Variants in CACNB2 observed in about 807,000 individuals in gnomAD.
CACNB2 encodes voltage-dependent L-type calcium channel subunit beta-2.
A neutral mutation model predicts 73.3 loss-of-function variants in CACNB2; 42 were observed. The observed-to-expected ratio is 0.57, with a 90% CI of 0.45 to 0.74. The LOEUF is 0.74. CACNB2 is among the 30% of genes least tolerant of loss of function. The pLI, the probability that CACNB2 is intolerant of heterozygous loss-of-function variation, is 0.00. For missense variants in CACNB2, 940 were observed against 853.0 expected (o/e 1.10, Z -1.27); for synonymous variants, 348 against 310.3 (o/e 1.12, Z -1.28).
chr10:18,276,171 G>A (rs1228395656), intron 2 of CACNB2, among the ~76,000 whole-genome samples: 1 of 152,206 alleles, frequency 6.6e-6, no homozygotes, highest in Non-Finnish European at 1.5e-5. Flanking sequence ...TTGGGCAAAA[G>A]TGGTGAGCTC....
chr10:18,250,300 G>A (rs1464474080), intron 2 of CACNB2, among the ~76,000 whole-genome samples: 2 of 152,196 alleles, frequency 1.3e-5, no homozygotes, highest in African/African-American at 4.8e-5. Context: ...AGAAAATGCA[G>A]TCCTTGTTGT....
intron 2 of CACNB2, among the ~76,000 whole-genome samples, chr10:18,357,218 C>T (rs1336069867): frequency 6.6e-6 from 1 of 152,054 alleles, no homozygotes; most frequent in Non-Finnish European, 1.5e-5. Flanking sequence ...GCTGGGATTA[C>T]AGGCGTGAGC....
rs570613400 is a variant in CACNB2 at position 18,369,226 on chromosome 10, G to T, written c.214-32698G>T. On this transcript the variant is annotated intron_variant, in intron 2 of 13. Coordinates refer to ENST00000324631, the MANE Select transcript of CACNB2 (RefSeq NM_201596.3). Reference sequence around the variant, plus strand: ...GGCGTACTATTTAAATTACAATTAAGCTATCAAATTTAAAAATTACTTTTT... The same window carrying T: ...GGCGTACTATTTAAATTACAATTAATCTATCAAATTTAAAAATTACTTTTT... Among the ~76,000 whole-genome samples the T allele has an allele frequency of 7.9e-5, 12 of 152,286 alleles. No homozygotes were observed. The South Asian group carries it at 2.5e-3, about 32-fold the overall frequency.
intron 2 of CACNB2, among the ~76,000 whole-genome samples, chr10:18,319,073 T>C (rs1174085462): frequency 6.6e-6 from 1 of 152,174 alleles, no homozygotes; most frequent in Non-Finnish European, 1.5e-5. Flanking sequence ...GAAATACCAT[T>C]TGACCCAGCA....
In CACNB2 at chr10:18,429,697, A is replaced by T. The variant is rs1216395945; in HGVS notation, c.333+27654A>T. Among the ~76,000 whole-genome samples the T allele has an allele frequency of 1.4e-5, 2 of 143,734 alleles. 1 individual carries two copies. The allele number at this position is 143,734 out of a possible 152,430, so 94.3% of individuals were successfully genotyped here. ...AAAAAAAAAACCAAATTAACCAAGA[A>T]TGATGTTGTACACCTGTATCCCAGG... is the stretch of plus-strand genomic sequence containing the variant. On this transcript the variant is annotated intron_variant, in intron 3 of 13. Transcript: ENST00000324631.
At chr10:18,146,594 C>T (rs968104462) in intron 1 of CACNB2, among the ~76,000 whole-genome samples, 1 of 152,054 alleles carries the variant, frequency 6.6e-6, no homozygotes, top group African/African-American at 2.4e-5. Flanking sequence ...TCTCCTGCCT[C>T]ATCCTCCTGA....
At chr10:18,141,234 G>GT in intron 1 of CACNB2, 1 of 939,040 alleles carries the variant, frequency 1.1e-6, no homozygotes, top group Non-Finnish European at 1.7e-6. Context: ...GGGTGGGCGG[G>GT]AGGGGGCCCG....
At chr10:18,231,711 G>A (rs575067246) in intron 2 of CACNB2, among the ~76,000 whole-genome samples, 21 of 152,306 alleles carry the variant, frequency 1.4e-4, no homozygotes, top group African/African-American at 4.6e-4. Flanking sequence ...ATGTGATTCA[G>A]GGGTAAAGCA....
intron 3 of CACNB2, among the ~76,000 whole-genome samples, chr10:18,462,564 T>C (rs1038607319): frequency 3.0e-4 from 46 of 152,122 alleles, no homozygotes; most frequent in African/African-American, 1.1e-3. Flanking sequence ...CTAGGAACTA[T>C]TTATTAAGCA....
chr10:18,155,464 T>G (rs1239674139), intron 2 of CACNB2, among the ~76,000 whole-genome samples: 1 of 152,256 alleles, frequency 6.6e-6, no homozygotes, highest in Non-Finnish European at 1.5e-5. Flanking sequence ...TGCTCTACTG[T>G]TGGTAGACAT....
At chr10:18,513,569 T>C (rs1017644605) in intron 6 of CACNB2, 10 of 387,704 alleles carry the variant, frequency 2.6e-5, no homozygotes, top group African/African-American at 2.1e-4. Flanking sequence ...ATTGTTGATA[T>C]TGCAAGTTGT....
chr10:18,452,929 A>G (rs554424983), intron 3 of CACNB2, among the ~76,000 whole-genome samples: 1 of 152,332 alleles, frequency 6.6e-6, no homozygotes, highest in South Asian at 2.1e-4. Context: ...GAAGAGGCCA[A>G]CACAAACCAG....
chr10:18,378,772 T>A (rs571671392), intron 2 of CACNB2, among the ~76,000 whole-genome samples: 9 of 152,258 alleles, frequency 5.9e-5, no homozygotes, highest in African/African-American at 2.2e-4. Context: ...CACGGTGGCC[T>A]GACGGTTAAG....
At chr10:18,447,521 G>T (rs1202455885) in intron 3 of CACNB2, among the ~76,000 whole-genome samples, 3 of 152,184 alleles carry the variant, frequency 2.0e-5, no homozygotes, top group Non-Finnish European at 4.4e-5. Context: ...GGAGAATTCG[G>T]ATCTTGCATT....
At chr10:18,458,864 C>G (rs1337838760) in intron 3 of CACNB2, among the ~76,000 whole-genome samples, 1 of 149,224 alleles carries the variant, frequency 6.7e-6, no homozygotes, top group African/African-American at 2.5e-5. Context: ...CTCCCAGGTT[C>G]AAGCAATTCT....
chr10:18,414,070 G>A (rs995894390), intron 3 of CACNB2, among the ~76,000 whole-genome samples: 4 of 152,246 alleles, frequency 2.6e-5, no homozygotes, highest in Admixed American at 1.3e-4. Flanking sequence ...GTAGATTTGA[G>A]ATGTCCAGGG....
chr10:18,367,507 A>G (rs2042404927), intron 2 of CACNB2, among the ~76,000 whole-genome samples: 1 of 152,188 alleles, frequency 6.6e-6, no homozygotes, highest in South Asian at 2.1e-4. Flanking sequence ...TGTATATGTT[A>G]TAAAACTTTG....
Position 18,150,911 on chromosome 10 carries a change from A to T in CACNB2, c.149A>T (p.Asn50Ile), listed in dbSNP as rs752847242. The T allele has an allele frequency of 6.6e-7, 1 of 1,521,836 alleles. No individual in the cohort carries two copies. 94.3% of individuals were successfully genotyped at this position (1,521,836 alleles called of 1,614,324 possible). A position where few individuals can be genotyped will look rare whatever the true frequency, so the allele number is the denominator to read the frequency against. Residue 50 changes from asparagine (N) to isoleucine (I), a missense_variant, in exon 2 of 14, where the codon AAC becomes ATC. Transcript: ENST00000324631. Reference protein sequence around the residue: ...QSYGKGARRKNRFKGSDGSTS... With the variant: ...QSYGKGARRKIRFKGSDGSTS... Reference sequence around the variant, plus strand: ...TATGGAAAAGGAGCCAGAAGGAAAAACAGATTTAAAGGATCTGATGGAAGC... The same window carrying T: ...TATGGAAAAGGAGCCAGAAGGAAAATCAGATTTAAAGGATCTGATGGAAGC...
intron 2 of CACNB2, among the ~76,000 whole-genome samples, chr10:18,393,060 T>G (rs1228269930): frequency 6.6e-6 from 1 of 151,930 alleles, no homozygotes; most frequent in Non-Finnish European, 1.5e-5. Flanking sequence ...AATACAAAAA[T>G]TAGCTGGGCA....
Sources: allele counts gnomAD v4.1 joint callset (sites outside exome capture counted in the v4.1 genomes callset), GRCh38; gene constraint gnomAD v4.1.1; transcripts MANE v1.5; gene names NCBI Gene and HGNC (gene_info 2026-07-23, HGNC 2026-07-21).